The following ANK2 variants were observed in gnomAD, a reference collection of about 807,000 sequenced individuals.
ANK2 encodes the protein ankyrin-2.
Under a neutral mutation model 360.5 loss-of-function variants are expected in ANK2, and 83 were observed. The ratio of observed to expected loss-of-function variants is 0.23; its 90% CI spans 0.19 to 0.28. The LOEUF (loss-of-function observed/expected upper bound fraction) is 0.28. Ranked by LOEUF, ANK2 falls within the 10% of genes least tolerant of loss-of-function variation. The pLI, the probability that ANK2 is intolerant of heterozygous loss-of-function variation, is 1.00. For synonymous variants in ANK2, 1,740 were observed against 1,759.5 expected (o/e 0.99, Z 0.28); for missense variants, 4,201 against 4,795.7 (o/e 0.88, Z 3.66).
chr4:113,077,586 CAGAA>C (rs2080631029), intron 1 of ANK2, among the ~76,000 whole-genome samples: 1 of 152,178 alleles, frequency 6.6e-6, no homozygotes, highest in Non-Finnish European at 1.5e-5. Flanking sequence ...CCAGTAACTA[CAGAA>C]AGAAGTTAGA....
chr4:113,042,042 G>A (rs1358546777), intron 2 of ANK2, among the ~76,000 whole-genome samples: 4 of 152,158 alleles, frequency 2.6e-5, no homozygotes, highest in Non-Finnish European at 5.9e-5. Flanking sequence ...GTGTGTCTGT[G>A]AGAAAGTTTC....
chr4:113,024,133 A>G (rs1011595494), intron 2 of ANK2, among the ~76,000 whole-genome samples: 6 of 152,240 alleles, frequency 3.9e-5, no homozygotes, highest in African/African-American at 1.2e-4. Flanking sequence ...TAAAGAGACC[A>G]AGAAAGAGAA....
chr4:113,328,051 G>C (rs1004958280), intron 26 of ANK2, among the ~76,000 whole-genome samples: 1 of 152,008 alleles, frequency 6.6e-6, no homozygotes, highest in Non-Finnish European at 1.5e-5. Context: ...TTCTTCCATC[G>C]AGGCTCCATG....
intron 24 of ANK2, among the ~76,000 whole-genome samples, chr4:113,314,779 CTTTATTTCATTT>C (rs2081888628): frequency 6.6e-6 from 1 of 152,120 alleles, no homozygotes; most frequent in African/African-American, 2.4e-5. Flanking sequence ...AATAGTCCAT[CTTTATTTCATTT>C]AAGTAGATTA....
intron 1 of ANK2, among the ~76,000 whole-genome samples, chr4:113,053,528 T>C (rs2068113040): frequency 6.6e-6 from 1 of 152,170 alleles, no homozygotes. Flanking sequence ...GAAGCATTGG[T>C]AGCTATGTGA....
chr4:112,967,834 T>A (rs1045320906), intron 2 of ANK2, among the ~76,000 whole-genome samples: 4 of 152,202 alleles, frequency 2.6e-5, no homozygotes, highest in African/African-American at 4.8e-5. Flanking sequence ...TAATATTTAA[T>A]CATTTCCCCT....
the ANK2 span, among the ~76,000 whole-genome samples, chr4:112,707,791 G>A: frequency 2.6e-5 from 4 of 152,098 alleles, no homozygotes; most frequent in African/African-American, 7.2e-5. Context: ...GCAAAAATAC[G>A]TATAAAAATA....
Position 112,890,556 on chromosome 4 carries a change from G to GTTTTTTT in ANK2, c.-39-13877_-39-13871dup, listed in dbSNP as rs754680934. On this transcript the variant is annotated intron_variant, in intron 1 of 30. Coordinates refer to the ANK2 transcript ENST00000503271. ...GGAATTTATGATATACATTTCTGTG[G>GTTTTTTT]TTTTTTTTTTTTTTTTTTTTTTTTT... Among the ~76,000 whole-genome samples the GTTTTTTT allele has an allele frequency of 4.7e-3, 314 of 67,466 alleles. 32 individuals carry two copies. Among genetic ancestry groups the GTTTTTTT allele is most frequent in the Middle Eastern group, 0.012 (1 of 84 alleles). 44.3% of individuals were successfully genotyped at this position (67,466 alleles called of 152,430 possible).
the ANK2 span, among the ~76,000 whole-genome samples, chr4:112,757,879 A>G: frequency 8.4e-6 from 1 of 119,272 alleles, no homozygotes; most frequent in Non-Finnish European, 1.7e-5. Flanking sequence ...ATCCTTCTAA[A>G]GATGGATTTT....
chr4:113,267,578 C>A (rs2153665097), intron 14 of ANK2, among the ~76,000 whole-genome samples: 1 of 152,298 alleles, frequency 6.6e-6, no homozygotes, highest in Non-Finnish European at 1.5e-5. Context: ...GGCATTTTTT[C>A]TGAGGCCTCT....
intron 11 of ANK2, among the ~76,000 whole-genome samples, chr4:113,257,697 G>A (rs925427506): frequency 1.3e-5 from 2 of 152,152 alleles, no homozygotes; most frequent in Non-Finnish European, 2.9e-5. Context: ...TCATCTTCAA[G>A]TAATTTAATA....
At position 113,355,100 on chromosome 4, in the gene ANK2, A is replaced by G; in HGVS notation, c.6482A>G (p.Lys2161Arg). Residue 2161 changes from lysine (K) to arginine (R), a missense_variant, in exon 38 of 46, where the codon AAG (lysine) becomes AGG (arginine). Lys to Arg is a conservative substitution (Grantham distance 26, BLOSUM62 2). This residue lies in a region of ANK2 where 2,642 missense variants were observed against 2,714.5 expected (regional missense o/e 0.97). Coordinates refer to ENST00000357077, the MANE Select transcript of ANK2 (RefSeq NM_001148.6). The part of the protein sequence containing the change: ...QQFRLSEETE[K>R]AQLHLDQVLT... The stretch of plus-strand genomic sequence containing the variant: ...TTCCGCCTGAGTGAGGAGACAGAAA[A>G]GGCACAGCTTCACTTAGACCAAGTA... 6.2e-7 allele frequency: 1 copy of G among 1,614,124 alleles called. No homozygotes were observed. Among genetic ancestry groups the G allele is most frequent in the Non-Finnish European group, 8.5e-7 (1 of 1,179,986 alleles).
chr4:112,726,063 A>G, the ANK2 span, among the ~76,000 whole-genome samples: 3 of 152,142 alleles, frequency 2.0e-5, no homozygotes, highest in Non-Finnish European at 4.4e-5. Flanking sequence ...GTGACAGTCA[A>G]GCAGAGATCT....
intron 2 of ANK2, among the ~76,000 whole-genome samples, chr4:113,041,106 A>G (rs765367696): frequency 6.6e-6 from 1 of 152,080 alleles, no homozygotes; most frequent in Non-Finnish European, 1.5e-5. Context: ...GATACCTCTC[A>G]TCATATCCAT....
Position 112,883,448 on chromosome 4 carries a change from ATAT to A in ANK2, c.-39-21003_-39-21001del, listed in dbSNP as rs370248875. 8.7e-4 allele frequency among the ~76,000 whole-genome samples: 133 copies of A among 152,290 alleles called. 1 individual carries two copies. Among genetic ancestry groups the A allele is most frequent in the African/African-American group, 2.9e-3 (121 of 41,574 alleles). On this transcript the variant is annotated intron_variant, in intron 1 of 30. Coordinates refer to the ANK2 transcript ENST00000503271. ...GATTATAATTATGCAATTTAATTAA[ATAT>A]TATATGAGCAGATGAAACATATTTG...
chr4:113,097,861 T>C (rs2091781970), intron 1 of ANK2, among the ~76,000 whole-genome samples: 1 of 112,158 alleles, frequency 8.9e-6, no homozygotes, highest in African/African-American at 4.1e-5. Context: ...TGTGTGTGTG[T>C]GTGTGTATAT....
intron 2 of ANK2, among the ~76,000 whole-genome samples, chr4:113,002,245 A>C (rs900194361): frequency 6.6e-6 from 1 of 152,198 alleles, no homozygotes; most frequent in Non-Finnish European, 1.5e-5. Flanking sequence ...TCATGCTGCT[A>C]TAAAGACACA....
At chr4:113,181,420 G>A (rs1201328916) in intron 2 of ANK2, among the ~76,000 whole-genome samples, 1 of 152,058 alleles carries the variant, frequency 6.6e-6, no homozygotes, top group Non-Finnish European at 1.5e-5. Context: ...CTGAACTCAG[G>A]CACGCTATTT....
intron 4 of ANK2, among the ~76,000 whole-genome samples, chr4:113,207,475 A>G (rs1297167236): frequency 6.6e-6 from 1 of 152,338 alleles, no homozygotes; most frequent in Non-Finnish European, 1.5e-5. Flanking sequence ...ATAGACTTCA[A>G]ATTTTACATA....
Sources: allele counts gnomAD v4.1 joint callset (sites outside exome capture counted in the v4.1 genomes callset), GRCh38; gene constraint gnomAD v4.1.1; regional missense constraint gnomAD v4.1.1; transcripts MANE v1.5; gene names NCBI Gene and HGNC (gene_info 2026-07-23, HGNC 2026-07-21).